Variants in RNF146 observed in about 807,000 individuals in gnomAD.
The protein encoded by RNF146 is ring finger protein 146.
A neutral mutation model predicts 29.7 loss-of-function variants in RNF146; 11 were observed. The ratio of observed to expected loss-of-function variants is 0.37; its 90% CI spans 0.23 to 0.61. RNF146 has a LOEUF of 0.61. Ranked by LOEUF, RNF146 falls within the 20% of genes least tolerant of loss-of-function variation. The pLI is 0.66. For missense variants in RNF146, 342 were observed against 438.9 expected, an observed-to-expected ratio of 0.78 and a Z score of 1.97; for synonymous variants, 150 against 159.7, an observed-to-expected ratio of 0.94 and a Z score of 0.46.
chr6:127,285,056 GTAAAGGAA>G (rs1779344522), intron 2 of RNF146, among the ~76,000 whole-genome samples: 2 of 151,824 alleles, frequency 1.3e-5, no homozygotes, highest in Non-Finnish European at 2.9e-5. Context: ...AGAATTTCTG[GTAAAGGAA>G]TTGATTGGAA....
At chr6:127,269,021 T>A (rs964060190) in intron 1 of RNF146, among the ~76,000 whole-genome samples, 3 of 152,182 alleles carry the variant, frequency 2.0e-5, no homozygotes, top group Non-Finnish European at 2.9e-5. Context: ...CGAATGCGTA[T>A]TTTTCTCCCG....
Position 127,276,416 on chromosome 6 carries a change from CT to C in RNF146, c.-108-3810del, listed in dbSNP as rs751789662. On this transcript the variant is annotated intron_variant, in intron 1 of 2. Transcript: ENST00000368314. ...TGTGTGGTGAGAGAAAGGACTTTCT[CT>C]TTTTCTCCATGAACACAAAGTAGTT... Among the ~76,000 whole-genome samples, 221 of 151,902 alleles carry C rather than the reference CT, an allele frequency of 1.5e-3. 1 individual carries two copies. The highest frequency in any genetic ancestry group is 1.0e-3 in the Non-Finnish European group (70 of 67,938).
intron 1 of RNF146, among the ~76,000 whole-genome samples, chr6:127,276,510 A>G (rs75060469): frequency 1.3e-3 from 197 of 152,148 alleles, no homozygotes; most frequent in African/African-American, 4.4e-3. Flanking sequence ...AAATGTGTGT[A>G]TATGAGATAA....
chr6:127,286,104 T>G lies in RNF146; in HGVS notation c.3-512T>G. The G allele has an allele frequency of 8.1e-7, 1 of 1,229,962 alleles. No individual in the cohort carries two copies. Among genetic ancestry groups the G allele is most frequent in the South Asian group, 4.1e-5 (1 of 24,310 alleles). The allele number at this position is 1,229,962 out of a possible 1,614,324, so 76.2% of individuals were successfully genotyped here. On this transcript the variant is annotated intron_variant, in intron 2 of 2. Coordinates refer to ENST00000368314, the MANE Select transcript of RNF146 (RefSeq NM_001242850.2). This position sits in a 1 kb window ranked among gnomAD's most constrained non-coding sequence, Gnocchi z 4.6. Reference sequence around the variant, plus strand: ...CTTTGGTCTTATATGATTGTTACCTTTATGAAGCTTTAGTGATTACAAAGC... The same window carrying G: ...CTTTGGTCTTATATGATTGTTACCTGTATGAAGCTTTAGTGATTACAAAGC...
intron 1 of RNF146, among the ~76,000 whole-genome samples, chr6:127,275,241 T>C (rs1778039127): frequency 6.6e-6 from 1 of 152,168 alleles, no homozygotes; most frequent in African/African-American, 2.4e-5. Context: ...CAATGAACAA[T>C]AGCTGGGTAA....
In RNF146 at chr6:127,286,379, C is replaced by T; in HGVS notation, c.3-237C>T. 1 of 614,554 alleles carries T rather than the reference C, an allele frequency of 1.6e-6. No individual in the cohort carries two copies. Among genetic ancestry groups the T allele is most frequent in the South Asian group, 2.8e-5 (1 of 35,706 alleles). 38.1% of individuals were successfully genotyped at this position (614,554 alleles called of 1,614,324 possible). A position where few individuals can be genotyped will look rare whatever the true frequency, so the allele number is the denominator to read the frequency against. On this transcript the variant is annotated intron_variant, in intron 2 of 2. Transcript: ENST00000368314. This position sits in a 1 kb window ranked among gnomAD's most constrained non-coding sequence, Gnocchi z 4.6. Reference sequence around the variant, plus strand: ...TTCAGTGTGTTTCTCCAGGGCTGATCTGTTAAGTGCACTGATGGAATTTTT... The same window carrying T: ...TTCAGTGTGTTTCTCCAGGGCTGATTTGTTAAGTGCACTGATGGAATTTTT...
At position 127,271,120 on chromosome 6, in the gene RNF146, C is replaced by T. The variant is rs571771150; in HGVS notation, c.-109+4195C>T. Among the ~76,000 whole-genome samples the T allele has an allele frequency of 1.2e-3, 181 of 152,146 alleles. 4 individuals are homozygous for T. In the Middle Eastern group the frequency reaches 0.017, roughly 14 times the overall value. ...TGAGCCACCGCACCTGGCCTCCTTA[C>T]GATTTTTTAAATAATGTTTTCTTTT... On this transcript the variant is annotated intron_variant, in intron 1 of 2. Coordinates refer to ENST00000368314, the MANE Select transcript of RNF146 (RefSeq NM_001242850.2).
intron 1 of RNF146, among the ~76,000 whole-genome samples, chr6:127,275,219 A>T (rs947358920): frequency 2.6e-5 from 4 of 152,204 alleles, no homozygotes; most frequent in Non-Finnish European, 4.4e-5. Flanking sequence ...TCCATTTTGG[A>T]GAATTCATTG....
At chr6:127,283,081 ACT>A (rs750166940) in intron 2 of RNF146, among the ~76,000 whole-genome samples, 3 of 151,718 alleles carry the variant, frequency 2.0e-5, no homozygotes, top group Non-Finnish European at 4.4e-5. Flanking sequence ...ATTTCCACTA[ACT>A]CTGCCCATAC....
chr6:127,280,162 A>ATTT, intron 1 of RNF146, 69 bp from the exon 2 acceptor site: 1 of 578,000 alleles, frequency 1.7e-6, no homozygotes, highest in East Asian at 2.9e-5. Context: ...TTTCCACTGA[A>ATTT]TTTTTTGAAA....
chr6:127,276,877 G>T (rs901111526), intron 1 of RNF146, among the ~76,000 whole-genome samples: 1 of 152,086 alleles, frequency 6.6e-6, no homozygotes, highest in Non-Finnish European at 1.5e-5. Context: ...TAAAGCATGA[G>T]TACCACCTGG....
intron 1 of RNF146, among the ~76,000 whole-genome samples, chr6:127,278,418 A>T (rs1778516376): frequency 6.6e-6 from 1 of 151,824 alleles, no homozygotes; most frequent in African/African-American, 2.4e-5. Flanking sequence ...GCTTCTATGA[A>T]TTTGCCTATT....
chr6:127,286,487 T>C lies in RNF146; in HGVS notation c.3-129T>C, dbSNP rs1323062226. ...AGTTTTTCCTCTACTTTCATCTTCA[T>C]ATCCCCATTGTCTAGTATGTGGCTT... On this transcript the variant is annotated intron_variant, in intron 2 of 2. Transcript: ENST00000368314. The surrounding 1 kb of genome is among the most constrained non-coding windows in gnomAD (Gnocchi z 4.6). 8.8e-6 allele frequency: 8 copies of C among 911,524 alleles called. No individual in the cohort carries two copies. The Admixed American group carries it at 1.8e-4, about 21-fold the overall frequency. The allele number at this position is 911,524 out of a possible 1,614,324, so 56.5% of individuals were successfully genotyped here.
chr6:127,271,357 A>T (rs1461144550), intron 1 of RNF146, among the ~76,000 whole-genome samples: 3 of 152,160 alleles, frequency 2.0e-5, no homozygotes, highest in African/African-American at 7.2e-5. Flanking sequence ...ATAAATTCTG[A>T]GAGTTAATAG....
At chr6:127,278,592 C>T (rs1030138125) in intron 1 of RNF146, among the ~76,000 whole-genome samples, 1 of 151,982 alleles carries the variant, frequency 6.6e-6, no homozygotes, top group Non-Finnish European at 1.5e-5. Flanking sequence ...TTGGTAGATA[C>T]TTGAATTGTG....
intron 2 of RNF146, chr6:127,285,184 T>C (rs1779355506): frequency 2.0e-6 from 2 of 984,840 alleles, no homozygotes; most frequent in Non-Finnish European, 2.4e-6. Context: ...TTTTAAAAAC[T>C]TACTGTGTTG....
At chr6:127,285,856 G>A (rs540255347) in intron 2 of RNF146, among the ~76,000 whole-genome samples, 3 of 151,996 alleles carry the variant, frequency 2.0e-5, no homozygotes, top group South Asian at 2.1e-4. Flanking sequence ...CTGCATGTAT[G>A]TTTCCTTATT....
intron 1 of RNF146, among the ~76,000 whole-genome samples, chr6:127,274,629 C>T (rs1020396094): frequency 6.6e-6 from 1 of 152,142 alleles, no homozygotes; most frequent in Non-Finnish European, 1.5e-5. Flanking sequence ...AATCTTCACA[C>T]TAGAGGTTTT....
At chr6:127,270,679 A>G (rs9482781) in intron 1 of RNF146, among the ~76,000 whole-genome samples, 2,422 of 151,686 alleles carry the variant, frequency 0.016, 47 homozygotes, top group Middle Eastern at 0.055. Context: ...AGTTCCACTT[A>G]TACAATACTT....
Sources: gnomAD v4.1 joint callset for allele counts (sites outside exome capture counted in the v4.1 genomes callset) on GRCh38, gnomAD v4.1.1 for gene constraint, Gnocchi (gnomAD v3.1) non-coding constraint, MANE v1.5 for transcripts, NCBI Gene and HGNC (gene_info 2026-07-23, HGNC 2026-07-21) for gene names.